SIM2: variants seen among roughly 807,000 people sequenced by gnomAD.
SIM2 encodes SIM bHLH transcription factor 2, also known as single-minded homolog 2.
A neutral mutation model predicts 64.8 loss-of-function variants in SIM2; 28 were observed. The ratio of observed to expected loss-of-function variants is 0.43; its 90% CI spans 0.32 to 0.59. The LOEUF is 0.59. Among genes scored for constraint, SIM2 ranks in the 20% least tolerant of loss-of-function variants. The pLI is 0.07. For synonymous variants in SIM2, 408 were observed against 391.1 expected (o/e 1.04, Z -0.51); for missense variants, 847 against 871.4 (o/e 0.97, Z 0.35).
At chr21:36,712,007 A>G (rs1166465998) in intron 2 of SIM2, among the ~76,000 whole-genome samples, 2 of 152,228 alleles carry the variant, frequency 1.3e-5, no homozygotes, top group Admixed American at 1.3e-4. Flanking sequence ...TGGTAAAATA[A>G]CCAGGTATTT....
Position 36,748,514 on chromosome 21 carries a change from G to C in SIM2, c.*422G>C, listed in dbSNP as rs2089269372. On this transcript the variant is annotated 3_prime_UTR_variant, in exon 11 of 11. Coordinates refer to ENST00000290399, the MANE Select transcript of SIM2 (RefSeq NM_005069.6). The stretch of plus-strand genomic sequence containing the variant: ...GCTCTTCCAAGTGGACGGCAGACCT[G>C]GGAGGGGACGCCTGTGTCACGAGCC... 1 of 152,400 alleles carries C rather than the reference G, an allele frequency of 6.6e-6. No homozygotes were observed. Among genetic ancestry groups the C allele is most frequent in the Non-Finnish European group, 1.5e-5 (1 of 68,130 alleles). 9.4% of individuals were successfully genotyped at this position (152,400 alleles called of 1,614,324 possible).
In SIM2 at chr21:36,699,535, G is replaced by A. The variant is rs988030912; in HGVS notation, c.-212G>A. The A allele has an allele frequency of 4.2e-4, 161 of 382,026 alleles. No individual in the cohort carries two copies. The highest frequency in any genetic ancestry group is 3.2e-3 in the African/African-American group (150 of 46,418). 23.7% of individuals were successfully genotyped at this position (382,026 alleles called of 1,614,324 possible). ...AGGAGGCTGCGCTCCGGGCAGCGGC[G>A]GGCGGCGCCGCCGGGTTGCTCGGAG... On this transcript the variant is annotated 5_prime_UTR_variant, in exon 1 of 11. Coordinates refer to ENST00000290399, the MANE Select transcript of SIM2 (RefSeq NM_005069.6). The surrounding 1 kb of genome is among the most constrained non-coding windows in gnomAD (Gnocchi z 5.6).
rs767710323 is a variant in SIM2, at chr21:36,699,742, G to C, written c.-5G>C. The C allele has an allele frequency of 3.7e-6, 6 of 1,612,212 alleles. No individual in the cohort carries two copies. The South Asian group carries it at 6.6e-5, about 18-fold the overall frequency. On this transcript the variant is annotated 5_prime_UTR_variant, in exon 1 of 11. Coordinates refer to ENST00000290399, the MANE Select transcript of SIM2 (RefSeq NM_005069.6). This position sits in a 1 kb window ranked among gnomAD's most constrained non-coding sequence, Gnocchi z 5.6. ...CGGGTCTAATATGCCCGGAGCCGAG[G>C]CGCGATGAAGGAGAAGTCCAAGAAT...
intron 4 of SIM2, chr21:36,720,501 T>G (rs906000927): frequency 1.3e-5 from 2 of 152,490 alleles, no homozygotes; most frequent in Non-Finnish European, 2.9e-5. Context: ...TATGCCCACA[T>G]GCCTACTTCA....
At chr21:36,702,561 G>C (rs758683303) in intron 1 of SIM2, among the ~76,000 whole-genome samples, 1 of 152,240 alleles carries the variant, frequency 6.6e-6, no homozygotes, top group Non-Finnish European at 1.5e-5. Context: ...AAGAAGATGC[G>C]TTTAGAAAGA....
chr21:36,724,871 G>A (rs1015400436), intron 5 of SIM2, among the ~76,000 whole-genome samples: 4 of 152,116 alleles, frequency 2.6e-5, no homozygotes, highest in South Asian at 4.2e-4. Context: ...CAGTAGTGAC[G>A]CTCGAGGCTG....
Position 36,747,907 on chromosome 21 carries a change from G to T in SIM2, c.1819G>T (p.Ala607Ser). ...FVLLNYHRVL[A>S]RRGPLGGAAP... ...GCTGCTCAACTACCACCGCGTGCTG[G>T]CCCGGCGCGGACCGCTGGGGGGCGC... Residue 607 changes from alanine to serine, a missense_variant, in exon 11 of 11, where the codon GCC becomes TCC. This residue lies in a region of SIM2 where 447 missense variants were observed against 414.6 expected (regional missense o/e 1.08). Coordinates refer to ENST00000290399, the MANE Select transcript of SIM2 (RefSeq NM_005069.6). This position sits in a 1 kb window ranked among gnomAD's most constrained non-coding sequence, Gnocchi z 4.5. The T allele has an allele frequency of 9.4e-7, 1 of 1,061,236 alleles. No individual in the cohort carries two copies. Among genetic ancestry groups the T allele is most frequent in the Middle Eastern group, 4.6e-4 (1 of 2,194 alleles). 65.7% of individuals were successfully genotyped at this position (1,061,236 alleles called of 1,614,324 possible).
chr21:36,728,695 T>C (rs1197755030), intron 6 of SIM2, among the ~76,000 whole-genome samples: 1 of 152,178 alleles, frequency 6.6e-6, no homozygotes, highest in African/African-American at 2.4e-5. Context: ...AGTCAGTCTG[T>C]GACCAAGGGG....
At chr21:36,721,339 C>T (rs1160777402) in intron 4 of SIM2, among the ~76,000 whole-genome samples, 1 of 152,222 alleles carries the variant, frequency 6.6e-6, no homozygotes, top group African/African-American at 2.4e-5. Context: ...AATTCTTTCA[C>T]TGTGGGGTTG....
At chr21:36,742,476 T>A (rs1481428621) in intron 8 of SIM2, among the ~76,000 whole-genome samples, 1 of 151,508 alleles carries the variant, frequency 6.6e-6, no homozygotes, top group East Asian at 1.9e-4. Context: ...GGAGCTGGTC[T>A]CGAACTCCTG....
intron 5 of SIM2, among the ~76,000 whole-genome samples, chr21:36,724,874 C>T (rs145387662): frequency 7.6e-4 from 116 of 152,110 alleles, no homozygotes; most frequent in African/African-American, 2.7e-3. Flanking sequence ...TAGTGACGCT[C>T]GAGGCTGTAC....
At position 36,726,067 on chromosome 21, in the gene SIM2, C is replaced by A; in HGVS notation, c.544-52C>A. ...GAGAAAATGAGCCAGGAGGAGTGGG[C>A]TCCAGCCCAACCCCAGTGGCCAGTG... On this transcript the variant is annotated intron_variant, in intron 5 of 10. Coordinates refer to ENST00000290399, the MANE Select transcript of SIM2 (RefSeq NM_005069.6). This position sits in a 1 kb window ranked among gnomAD's most constrained non-coding sequence, Gnocchi z 4.5. 1 of 1,501,664 alleles carries A rather than the reference C, an allele frequency of 6.7e-7. No homozygotes were observed. The allele number at this position is 1,501,664 out of a possible 1,614,324, so 93.0% of individuals were successfully genotyped here. A position where few individuals can be genotyped will look rare whatever the true frequency, so the allele number is the denominator to read the frequency against.
rs1391477184 is a variant in SIM2, at chr21:36,749,647, T to G, written c.*1555T>G. 6.6e-6 allele frequency: 1 copy of G among 152,188 alleles called. No individual in the cohort carries two copies. Among genetic ancestry groups the G allele is most frequent in the Non-Finnish European group, 1.5e-5 (1 of 68,032 alleles). The allele number at this position is 152,188 out of a possible 1,614,324, so 9.4% of individuals were successfully genotyped here. A position where few individuals can be genotyped will look rare whatever the true frequency, so the allele number is the denominator to read the frequency against. ...CACTCAGCTATACCTCATTCACAGC[T>G]CCTTGTGAGTGTGTGCACAGGAAAT... On this transcript the variant is annotated 3_prime_UTR_variant, in exon 11 of 11. Transcript: ENST00000290399.
intron 4 of SIM2, among the ~76,000 whole-genome samples, chr21:36,721,159 A>C (rs568060176): frequency 1.3e-5 from 2 of 152,202 alleles, no homozygotes; most frequent in African/African-American, 4.8e-5. Context: ...ATTATTCCTT[A>C]CCAAGGAGAG....
In SIM2 at chr21:36,744,779, T is replaced by C. The variant is rs2089207599; in HGVS notation, c.1219T>C (p.Trp407Arg). The change falls in exon 10 of 11, where the codon TGG (tryptophan) becomes CGG (arginine). Residue 407 changes from tryptophan to arginine, a missense_variant. Physicochemically the swap from Trp to Arg is moderately radical, Grantham distance 101 (BLOSUM62 -3). Transcript: ENST00000290399. ...DKLECGQLGN[W>R]RASPPASAAA... The stretch of plus-strand genomic sequence containing the variant: ...ACTGGAATGCGGCCAGCTCGGAAAC[T>C]GGAGAGCCAGTCCCCCTGCAAGCGC... The C allele has an allele frequency of 1.9e-6, 3 of 1,613,130 alleles. No individual in the cohort carries two copies. Among genetic ancestry groups the C allele is most frequent in the Non-Finnish European group, 2.5e-6 (3 of 1,179,568 alleles).
rs145321008 is a variant in SIM2 at position 36,744,763 on chromosome 21, C to T, written c.1203C>T (p.Cys401=). Residue 401 remains cysteine (C), a synonymous_variant, in exon 10 of 11, where the codon TGC becomes TGT. Coordinates refer to ENST00000290399, the MANE Select transcript of SIM2 (RefSeq NM_005069.6). ...YSSFQMDKLE[C]GQLGNWRASP... The stretch of plus-strand genomic sequence containing the variant: ...CGTTCCAAATGGACAAACTGGAATG[C>T]GGCCAGCTCGGAAACTGGAGAGCCA... 25 of 1,610,260 alleles carry T rather than the reference C, an allele frequency of 1.6e-5. No individual in the cohort carries two copies. The highest frequency in any genetic ancestry group is 2.2e-5 in the East Asian group (1 of 44,790).
chr21:36,734,364 C>T (rs975979038), intron 7 of SIM2, among the ~76,000 whole-genome samples: 1 of 152,124 alleles, frequency 6.6e-6, no homozygotes, highest in South Asian at 2.1e-4. Context: ...AAAAGGTAGG[C>T]GTGTTTAGAA....
At chr21:36,705,538 G>T (rs1359366333) in intron 1 of SIM2, among the ~76,000 whole-genome samples, 1 of 152,212 alleles carries the variant, frequency 6.6e-6, no homozygotes, top group Non-Finnish European at 1.5e-5. Flanking sequence ...GGGGCTTCGG[G>T]CTGGGCCGCG....
intron 10 of SIM2, among the ~76,000 whole-genome samples, chr21:36,746,986 T>C (rs1294899942): frequency 6.6e-6 from 1 of 152,158 alleles, no homozygotes; most frequent in Non-Finnish European, 1.5e-5. Context: ...CCTAGTCTTT[T>C]TGGTATTAAA....
Sources: gnomAD v4.1 joint callset for allele counts (sites outside exome capture counted in the v4.1 genomes callset) on GRCh38, gnomAD v4.1.1 for gene constraint, gnomAD v4.1.1 regional missense constraint, Gnocchi (gnomAD v3.1) non-coding constraint, MANE v1.5 for transcripts, NCBI Gene and HGNC (gene_info 2026-07-23, HGNC 2026-07-21) for gene names.